Variants in NRDC observed in about 807,000 individuals in gnomAD.
NRDC encodes nardilysin convertase.
NRDC carries 54 observed loss-of-function variants against 147.1 expected under a neutral mutation model. The ratio of observed to expected loss-of-function variants is 0.37; its 90% CI spans 0.29 to 0.46. The LOEUF (loss-of-function observed/expected upper bound fraction) is 0.46, where lower values mean the gene tolerates loss of function less well. NRDC is among the 20% of genes least tolerant of loss of function. The pLI, the probability that NRDC is intolerant of heterozygous loss-of-function variation, is 1.00. For synonymous variants in NRDC, 440 were observed against 482.1 expected (o/e 0.91, Z 1.14); for missense variants, 1,082 against 1,370.6 (o/e 0.79, Z 3.33).
intron 13 of NRDC, 71 bp from the exon 14 acceptor site, chr1:51,814,160 G>A: frequency 1.1e-6 from 1 of 921,720 alleles, no homozygotes; most frequent in Middle Eastern, 2.8e-4. Context: ...AGGGCGGGAG[G>A]AGGGAGAGGA....
chr1:51,877,831 G>A lies in NRDC; in HGVS notation c.341+444C>T, dbSNP rs540208586. Among the ~76,000 whole-genome samples, 15 of 152,238 alleles carry A rather than the reference G, an allele frequency of 9.9e-5. No homozygotes were observed. In the South Asian group the frequency reaches 3.1e-3, roughly 32 times the overall value. On this transcript the variant is annotated intron_variant, in intron 1 of 30. Coordinates refer to ENST00000352171, the MANE Select transcript of NRDC (RefSeq NM_001101662.2). ...CTTTACTGAAGCCACACCATCCTCTGGTAACTTTCGTCCACTAGTTTCACC... is the reference window on the plus strand; with the variant it reads ...CTTTACTGAAGCCACACCATCCTCTAGTAACTTTCGTCCACTAGTTTCACC...
chr1:51,845,869 GA>G (rs1381367441), intron 1 of NRDC, among the ~76,000 whole-genome samples: 1 of 151,952 alleles, frequency 6.6e-6, no homozygotes, highest in Middle Eastern at 3.2e-3. Context: ...ATAAACAAAA[GA>G]ATGTTAACGC....
intron 1 of NRDC, among the ~76,000 whole-genome samples, chr1:51,855,538 A>AAATTAAATTAAATTAAAT (rs1682193068): frequency 6.6e-6 from 1 of 152,190 alleles, no homozygotes; most frequent in African/African-American, 2.4e-5. Context: ...TTAAGTTTTT[A>AAATTAAATTAAATTAAAT]TAAAACAATA....
At chr1:51,846,483 G>C (rs1365619732) in intron 1 of NRDC, among the ~76,000 whole-genome samples, 8 of 152,220 alleles carry the variant, frequency 5.3e-5, no homozygotes, top group Non-Finnish European at 7.3e-5. Flanking sequence ...TGGTCTCACT[G>C]ACTTCAAGAA....
intron 1 of NRDC, among the ~76,000 whole-genome samples, chr1:51,864,749 C>A (rs917221060): frequency 6.6e-6 from 1 of 151,824 alleles, no homozygotes; most frequent in African/African-American, 2.4e-5. Context: ...GCCAGGACTT[C>A]GAGACCAGCC....
At chr1:51,798,775 G>T in intron 21 of NRDC, 1 of 169,620 alleles carries the variant, frequency 5.9e-6, no homozygotes, top group Non-Finnish European at 1.3e-5. Context: ...ATTACTAGAA[G>T]CCATCATTTG....
intron 2 of NRDC, among the ~76,000 whole-genome samples, chr1:51,837,141 G>A (rs1336653540): frequency 6.6e-6 from 1 of 152,126 alleles, no homozygotes; most frequent in African/African-American, 2.4e-5. Context: ...CGGTCAATTT[G>A]AATCCTTGAA....
intron 7 of NRDC, among the ~76,000 whole-genome samples, chr1:51,823,288 C>T (rs1266143854): frequency 2.0e-5 from 3 of 152,196 alleles, no homozygotes; most frequent in East Asian, 1.9e-4. Flanking sequence ...CAAACCAACA[C>T]TTTGCCCTGT....
chr1:51,806,954 G>A (rs994835544), intron 17 of NRDC, 41 bp from the exon 18 acceptor site: 1 of 1,598,768 alleles, frequency 6.3e-7, no homozygotes, highest in Non-Finnish European at 8.5e-7. Flanking sequence ...AAGTATTTCA[G>A]CAGGAGCCCC....
intron 22 of NRDC, among the ~76,000 whole-genome samples, chr1:51,796,948 C>T (rs1678952281): frequency 6.7e-6 from 1 of 149,674 alleles, no homozygotes; most frequent in Non-Finnish European, 1.5e-5. Flanking sequence ...CACCTGTAAT[C>T]CCAGCACTTT....
At position 51,789,334 on chromosome 1, in the gene NRDC, T is replaced by C. The variant is rs755275750; in HGVS notation, c.3358A>G (p.Thr1120Ala). Residue 1120 changes from threonine (T) to alanine (A), a missense_variant, in exon 31 of 31, where the codon ACC (threonine) becomes GCC (alanine). Physicochemically the swap from Thr to Ala is moderately conservative, Grantham distance 58. Coordinates refer to ENST00000352171, the MANE Select transcript of NRDC (RefSeq NM_001101662.2). ...ATACAATCTGCCAGCAGAGGAGAGG[T>C]TGGCAGGTAGGTCAGCTGCATCACT... ...CEVMQLTYLPTSPLLADCIIP... is the reference protein window; with the variant it reads ...CEVMQLTYLPASPLLADCIIP... The C allele has an allele frequency of 5.6e-6, 9 of 1,613,676 alleles. No homozygotes were observed. The East Asian group carries it at 1.1e-4, about 20-fold the overall frequency.
chr1:51,862,335 A>G (rs1682584196), intron 1 of NRDC: 1 of 151,936 alleles, frequency 6.6e-6, no homozygotes, highest in African/African-American at 2.4e-5. Context: ...CAGGAGGATC[A>G]CTTGAGCCTA....
chr1:51,825,831 G>A (rs1377738544), intron 5 of NRDC, among the ~76,000 whole-genome samples: 4 of 152,164 alleles, frequency 2.6e-5, no homozygotes, highest in Admixed American at 6.6e-5. Flanking sequence ...TTTAGCTACC[G>A]CTAAAGACTG....
chr1:51,806,973 GT>G lies in NRDC; in HGVS notation c.1991-61del, dbSNP rs1269652685. 40 of 1,571,932 alleles carry G rather than the reference GT, an allele frequency of 2.5e-5. No homozygotes were observed. The Admixed American group carries it at 7.4e-4, about 29-fold the overall frequency. On this transcript the variant is annotated intron_variant, in intron 17 of 30. Coordinates refer to ENST00000352171, the MANE Select transcript of NRDC (RefSeq NM_001101662.2). Reference sequence around the variant, plus strand: ...ATTTCAGCAGGAGCCCCAGTAATCTGTTATTGGCTTCAGAAGTCTAAGTAAC... The same window carrying G: ...ATTTCAGCAGGAGCCCCAGTAATCTGTATTGGCTTCAGAAGTCTAAGTAAC...
chr1:51,799,347 G>T (rs138154498), intron 21 of NRDC, among the ~76,000 whole-genome samples: 2,716 of 150,336 alleles, frequency 0.018, 83 homozygotes, highest in African/African-American at 0.063. Flanking sequence ...CCCTCCCCCA[G>T]CACCCCCACC....
intron 15 of NRDC, among the ~76,000 whole-genome samples, chr1:51,811,397 A>T (rs746008568): frequency 1.2e-4 from 18 of 152,144 alleles, no homozygotes; most frequent in Admixed American, 2.6e-4. Context: ...CCCCACCCTG[A>T]GTTGTGACAA....
intron 14 of NRDC, 103 bp from the exon 15 acceptor site, chr1:51,812,201 A>G (rs1679755575): frequency 1.2e-6 from 1 of 805,540 alleles, no homozygotes; most frequent in Admixed American, 2.2e-5. Flanking sequence ...CAATAAAACC[A>G]AAAGCTTCTG....
intron 6 of NRDC, among the ~76,000 whole-genome samples, chr1:51,824,148 G>A (rs1251546733): frequency 5.5e-5 from 8 of 144,988 alleles, no homozygotes; most frequent in African/African-American, 7.7e-5. Context: ...TTTTAAAGAC[G>A]GAGTTTCGCT....
chr1:51,789,772 T>G, intron 29 of NRDC, 115 bp from the exon 30 acceptor site: 1 of 722,722 alleles, frequency 1.4e-6, no homozygotes, highest in Admixed American at 2.3e-5. Context: ...CATTTTATTC[T>G]TCCTATTCTC....
Sources: gnomAD v4.1 joint callset for allele counts (sites outside exome capture counted in the v4.1 genomes callset) on GRCh38, gnomAD v4.1.1 for gene constraint, MANE v1.5 for transcripts, NCBI Gene and HGNC (gene_info 2026-07-23, HGNC 2026-07-21) for gene names.